USP43: variants seen among roughly 807,000 people sequenced by gnomAD.
USP43 encodes ubiquitin carboxyl-terminal hydrolase 43.
USP43 carries 33 observed loss-of-function variants against 90.7 expected under a neutral mutation model. That is an observed-to-expected ratio of 0.36 (90% confidence interval 0.28 to 0.49). The LOEUF is 0.49. USP43 is among the 20% of genes least tolerant of loss of function. The pLI is 0.98. For synonymous variants in USP43, 598 were observed against 615.8 expected, an observed-to-expected ratio of 0.97 and a Z score of 0.43; for missense variants, 1,274 against 1,476.4, an observed-to-expected ratio of 0.86 and a Z score of 2.25.
At chr17:9,703,388 G>A (rs866002019) in intron 12 of USP43, among the ~76,000 whole-genome samples, 64 of 152,348 alleles carry the variant, frequency 4.2e-4, no homozygotes, top group South Asian at 8.3e-4. Flanking sequence ...ATAGGCGTGA[G>A]AAGCGTTGGC....
chr17:9,714,464 G>C (rs913342489), intron 14 of USP43, among the ~76,000 whole-genome samples: 2 of 151,964 alleles, frequency 1.3e-5, no homozygotes, highest in African/African-American at 4.8e-5. Flanking sequence ...GGCAGATCAT[G>C]GGGTCAGGAG....
At chr17:9,693,315 T>C in intron 9 of USP43, 85 bp downstream of exon 9, 1 of 1,113,534 alleles carries the variant, frequency 9.0e-7, no homozygotes, top group South Asian at 1.4e-5. Context: ...TCAATGAGAT[T>C]GCTCATAGTA....
intron 12 of USP43, among the ~76,000 whole-genome samples, chr17:9,705,570 C>T (rs1915821815): frequency 6.6e-6 from 1 of 151,814 alleles, no homozygotes; most frequent in South Asian, 2.1e-4. Flanking sequence ...GCCTGGCCAA[C>T]ATGGTGAAAC....
At chr17:9,689,225 T>C (rs1354548839) in intron 8 of USP43, among the ~76,000 whole-genome samples, 1 of 152,086 alleles carries the variant, frequency 6.6e-6, no homozygotes, top group East Asian at 1.9e-4. Flanking sequence ...AATATAGTCA[T>C]TTGAAGAGAA....
Position 9,676,786 on chromosome 17 carries a change from C to A in USP43, c.874C>A (p.Arg292=). 6.2e-7 allele frequency: 1 copy of A among 1,613,812 alleles called. No individual in the cohort carries two copies. Among genetic ancestry groups the A allele is most frequent in the East Asian group, 2.2e-5 (1 of 44,886 alleles). Residue 292 remains arginine, a synonymous_variant, in exon 5 of 15, where the codon CGG becomes AGG. Transcript: ENST00000285199. Reference sequence around the variant, plus strand: ...CTTGGTCTTCCCCTCTAAGAGCCAGCGGTTCCTGCGGGTTGGCCTGGCCGT... The same window carrying A: ...CTTGGTCTTCCCCTCTAAGAGCCAGAGGTTCCTGCGGGTTGGCCTGGCCGT... ...VTLVFPSKSQ[R]FLRVGLAVPI... is the part of the protein sequence containing the mutation.
chr17:9,725,348 G>T (rs1917206792), intron 14 of USP43, among the ~76,000 whole-genome samples: 1 of 152,102 alleles, frequency 6.6e-6, no homozygotes. Context: ...ACCAGAGTTA[G>T]TGCCCAGGGG....
chr17:9,683,914 G>C (rs776112868), intron 7 of USP43, among the ~76,000 whole-genome samples: 2 of 152,048 alleles, frequency 1.3e-5, no homozygotes, highest in Non-Finnish European at 2.9e-5. Context: ...GAGGTGGGTG[G>C]ATCATGAGGT....
intron 1 of USP43, among the ~76,000 whole-genome samples, chr17:9,649,326 C>T (rs1911693129): frequency 6.6e-6 from 1 of 152,018 alleles, no homozygotes; most frequent in Non-Finnish European, 1.5e-5. Context: ...AAGAAAAGTC[C>T]TGTCCGTGGT....
intron 8 of USP43, among the ~76,000 whole-genome samples, chr17:9,690,993 G>T (rs1345690637): frequency 2.6e-5 from 4 of 151,948 alleles, no homozygotes; most frequent in Non-Finnish European, 5.9e-5. Flanking sequence ...TCCTGTTTTA[G>T]GTACCTTATA....
chr17:9,683,180 G>A (rs550585461), intron 7 of USP43, among the ~76,000 whole-genome samples: 4 of 152,206 alleles, frequency 2.6e-5, no homozygotes, highest in East Asian at 1.9e-4. Flanking sequence ...CCTATTAATC[G>A]GAGGAACAAT....
intron 13 of USP43, among the ~76,000 whole-genome samples, chr17:9,710,642 G>A (rs541413): frequency 6.6e-6 from 1 of 150,894 alleles, no homozygotes; most frequent in African/African-American, 2.4e-5. Flanking sequence ...GTAGCTGGGA[G>A]TACAGGCACG....
chr17:9,723,965 TA>T (rs1212558788), intron 14 of USP43, among the ~76,000 whole-genome samples: 1 of 152,178 alleles, frequency 6.6e-6, no homozygotes, highest in Non-Finnish European at 1.5e-5. Flanking sequence ...GTTTTTTCAT[TA>T]TCTTCCTTGA....
chr17:9,719,256 C>G (rs535852092), intron 14 of USP43, among the ~76,000 whole-genome samples: 1 of 152,314 alleles, frequency 6.6e-6, no homozygotes, highest in East Asian at 1.9e-4. Flanking sequence ...CAGGCCATTT[C>G]TCAGTTCTCC....
intron 3 of USP43, among the ~76,000 whole-genome samples, chr17:9,671,198 G>A (rs1273031875): frequency 6.6e-6 from 1 of 152,166 alleles, no homozygotes; most frequent in Non-Finnish European, 1.5e-5. Context: ...TATTCTATGT[G>A]ATTATCATCA....
intron 14 of USP43, among the ~76,000 whole-genome samples, chr17:9,725,066 C>A (rs1421030670): frequency 2.0e-5 from 3 of 152,160 alleles, no homozygotes; most frequent in Non-Finnish European, 4.4e-5. Flanking sequence ...CACACAGGGA[C>A]AGGAACAGAT....
rs1915600261 is a variant in USP43, at chr17:9,701,925, T to A, written c.2011+225T>A. ...GAGAGAGAATTCCAGTAAAATATAG[T>A]GCTGAGTCAGAAGGATGCCTGCAGC... On this transcript the variant is annotated intron_variant, in intron 12 of 14. Coordinates refer to ENST00000285199, the MANE Select transcript of USP43 (RefSeq NM_153210.5). The surrounding 1 kb of genome is among the most constrained non-coding windows in gnomAD (Gnocchi z 7.2). 6.6e-6 allele frequency among the ~76,000 whole-genome samples: 1 copy of A among 152,110 alleles called. No homozygotes were observed. The highest frequency in any genetic ancestry group is 2.4e-5 in the African/African-American group (1 of 41,428).
intron 3 of USP43, among the ~76,000 whole-genome samples, chr17:9,673,207 A>C (rs1204960566): frequency 6.6e-6 from 1 of 152,162 alleles, no homozygotes; most frequent in Non-Finnish European, 1.5e-5. Flanking sequence ...TACATGTGGA[A>C]TATAAAAGTT....
intron 3 of USP43, among the ~76,000 whole-genome samples, chr17:9,673,068 G>C (rs373737934): frequency 6.6e-6 from 1 of 152,194 alleles, no homozygotes; most frequent in African/African-American, 2.4e-5. Context: ...CAGACTGCCA[G>C]GGCGGTCTTG....
At chr17:9,654,253 A>G (rs1158779474) in intron 1 of USP43, among the ~76,000 whole-genome samples, 1 of 152,232 alleles carries the variant, frequency 6.6e-6, no homozygotes. Flanking sequence ...TACTAAAAAC[A>G]TATTCATTGT....
Sources: allele counts gnomAD v4.1 joint callset (sites outside exome capture counted in the v4.1 genomes callset), GRCh38; gene constraint gnomAD v4.1.1; non-coding constraint Gnocchi (gnomAD v3.1); transcripts MANE v1.5; gene names NCBI Gene and HGNC (gene_info 2026-07-23, HGNC 2026-07-21).